The following GAP43 variants were observed in gnomAD, a reference collection of about 807,000 sequenced individuals.
The protein encoded by GAP43 is neuromodulin.
In GAP43, 6 loss-of-function variants were observed where a neutral mutation model predicts 18.6. That is an observed-to-expected ratio of 0.32 (90% CI 0.18 to 0.64). The LOEUF (loss-of-function observed/expected upper bound fraction) is 0.64, where lower values mean the gene tolerates loss of function less well. Ranked by LOEUF, GAP43 falls within the 30% of genes least tolerant of loss-of-function variation. GAP43 has a pLI of 0.78. For synonymous variants in GAP43, 115 were observed against 111.4 expected (o/e 1.03, Z -0.20); for missense variants, 292 against 295.5 (o/e 0.99, Z 0.09).
intron 1 of GAP43, among the ~76,000 whole-genome samples, chr3:115,650,965 A>G (rs1447216605): frequency 6.6e-6 from 1 of 151,936 alleles, no homozygotes; most frequent in African/African-American, 2.4e-5. Flanking sequence ...TCTCTACAAA[A>G]AAATAAAAAT....
At chr3:115,686,398 AAAGTT>A (rs1482384745) in intron 2 of GAP43, among the ~76,000 whole-genome samples, 1 of 152,226 alleles carries the variant, frequency 6.6e-6, no homozygotes, top group Non-Finnish European at 1.5e-5. Context: ...GAAGAAAAGT[AAAGTT>A]TAGAATTGGT....
intron 1 of GAP43, among the ~76,000 whole-genome samples, chr3:115,670,077 T>C (rs1708796856): frequency 7.2e-6 from 1 of 138,576 alleles, no homozygotes; most frequent in African/African-American, 2.7e-5. Context: ...ACATGTGCCA[T>C]GCTGGTGCGC....
At chr3:115,676,707 G>A in intron 2 of GAP43, 97 bp downstream of exon 2, 1 of 1,248,854 alleles carries the variant, frequency 8.0e-7, no homozygotes, top group Non-Finnish European at 1.1e-6. Context: ...AGAGGAAAAA[G>A]TCTAGAAGAT....
chr3:115,669,965 A>ATTTTTATTTTTTTT (rs1708793347), intron 1 of GAP43, among the ~76,000 whole-genome samples: 2 of 100,716 alleles, frequency 2.0e-5, no homozygotes, highest in Non-Finnish European at 4.5e-5. Context: ...TCATCTTTTT[A>ATTTTTATTTTTTTT]TTTTTATTTT....
At chr3:115,704,510 A>C (rs1709336675) in intron 2 of GAP43, among the ~76,000 whole-genome samples, 2 of 152,142 alleles carry the variant, frequency 1.3e-5, no homozygotes, top group African/African-American at 4.8e-5. Flanking sequence ...AACATGTTAG[A>C]ATTTGATAAA....
At chr3:115,704,665 G>T (rs957622993) in intron 2 of GAP43, among the ~76,000 whole-genome samples, 32 of 152,014 alleles carry the variant, frequency 2.1e-4, no homozygotes, top group Non-Finnish European at 2.9e-5. Flanking sequence ...AGGGAGAGAG[G>T]ATTAGAGTAA....
intron 2 of GAP43, among the ~76,000 whole-genome samples, chr3:115,701,219 C>A (rs1329998464): frequency 1.3e-5 from 2 of 152,102 alleles, no homozygotes; most frequent in Non-Finnish European, 2.9e-5. Context: ...TAAGATATGA[C>A]TCTATTCGTT....
chr3:115,634,472 A>G (rs531278697), intron 1 of GAP43, among the ~76,000 whole-genome samples: 1 of 152,180 alleles, frequency 6.6e-6, no homozygotes, highest in South Asian at 2.1e-4. Context: ...ATTTACCTAA[A>G]AAGGAAAGAA....
At chr3:115,699,678 T>C (rs1319449210) in intron 2 of GAP43, among the ~76,000 whole-genome samples, 9 of 152,218 alleles carry the variant, frequency 5.9e-5, no homozygotes, top group Non-Finnish European at 8.8e-5. Flanking sequence ...TGCTGTCTTG[T>C]CATATCAGTG....
At chr3:115,648,097 T>C (rs747950385) in intron 1 of GAP43, among the ~76,000 whole-genome samples, 2 of 152,104 alleles carry the variant, frequency 1.3e-5, no homozygotes, top group Non-Finnish European at 2.9e-5. Flanking sequence ...TAACCAGTTG[T>C]TTTGTAGTCT....
intron 1 of GAP43, among the ~76,000 whole-genome samples, chr3:115,628,849 G>A (rs1260575013): frequency 6.6e-6 from 1 of 152,136 alleles, no homozygotes; most frequent in Non-Finnish European, 1.5e-5. Flanking sequence ...TTAGCCACCT[G>A]TGTGATTTCC....
intron 1 of GAP43, among the ~76,000 whole-genome samples, chr3:115,659,206 A>G (rs113697743): frequency 6.6e-6 from 1 of 152,362 alleles, no homozygotes; most frequent in Non-Finnish European, 1.5e-5. Flanking sequence ...TTTAGAAGAC[A>G]GCACAGGAAG....
At chr3:115,624,898 G>A (rs1708166717) in intron 1 of GAP43, among the ~76,000 whole-genome samples, 1 of 151,864 alleles carries the variant, frequency 6.6e-6, no homozygotes, top group Non-Finnish European at 1.5e-5. Flanking sequence ...GACTGTGGTG[G>A]GGGTGGGGGT....
intron 1 of GAP43, among the ~76,000 whole-genome samples, chr3:115,671,425 A>T (rs1051558305): frequency 1.3e-5 from 2 of 152,164 alleles, no homozygotes; most frequent in Admixed American, 1.3e-4. Flanking sequence ...ATTTTTTCCA[A>T]CCAATATTCA....
In GAP43 at chr3:115,644,092, C is replaced by T. The variant is rs1708430081; in HGVS notation, c.30+20373C>T. ...TAAGGTATGTGATGCAGCGGATTTCCCAAGAGTGATGAAAGAAGAATTTGG... is the reference window on the plus strand; with the variant it reads ...TAAGGTATGTGATGCAGCGGATTTCTCAAGAGTGATGAAAGAAGAATTTGG... On this transcript the variant is annotated intron_variant, in intron 1 of 2. Coordinates refer to ENST00000305124, the MANE Select transcript of GAP43 (RefSeq NM_002045.4). The surrounding 1 kb of genome is among the most constrained non-coding windows in gnomAD (Gnocchi z 4.2). Among the ~76,000 whole-genome samples the T allele has an allele frequency of 6.6e-6, 1 of 151,936 alleles. No individual in the cohort carries two copies. Among genetic ancestry groups the T allele is most frequent in the Non-Finnish European group, 1.5e-5 (1 of 67,968 alleles).
At chr3:115,671,526 T>A (rs555841973) in intron 1 of GAP43, among the ~76,000 whole-genome samples, 1 of 152,264 alleles carries the variant, frequency 6.6e-6, no homozygotes, top group South Asian at 2.1e-4. Flanking sequence ...CTCAAACAAA[T>A]CAGTCAGTAA....
intron 2 of GAP43, 54 bp downstream of exon 2, chr3:115,676,664 T>G: frequency 4.1e-6 from 6 of 1,476,016 alleles, no homozygotes; most frequent in Non-Finnish European, 5.4e-6. Context: ...GGAGTTGCTA[T>G]TCGGAAGACC....
At chr3:115,711,829 A>G (rs1577003096) in intron 2 of GAP43, among the ~76,000 whole-genome samples, 1 of 152,324 alleles carries the variant, frequency 6.6e-6, no homozygotes, top group East Asian at 1.9e-4. Flanking sequence ...CTAAAGTGAG[A>G]ATACCCTTAA....
chr3:115,680,376 A>G (rs1407540714), intron 2 of GAP43, among the ~76,000 whole-genome samples: 1 of 152,142 alleles, frequency 6.6e-6, no homozygotes, highest in Non-Finnish European at 1.5e-5. Flanking sequence ...AGATCACCTG[A>G]GCCCGGGAGG....
Sources: allele counts gnomAD v4.1 joint callset (sites outside exome capture counted in the v4.1 genomes callset), GRCh38; gene constraint gnomAD v4.1.1; non-coding constraint Gnocchi (gnomAD v3.1); transcripts MANE v1.5; gene names NCBI Gene and HGNC (gene_info 2026-07-23, HGNC 2026-07-21).